PNKD: variants seen among roughly 807,000 people sequenced by gnomAD.
PNKD encodes probable thioesterase PNKD.
Under a neutral mutation model 45.3 loss-of-function variants are expected in PNKD, and 36 were observed. The ratio of observed to expected loss-of-function variants is 0.80; its 90% CI spans 0.61 to 1.05. The LOEUF (loss-of-function observed/expected upper bound fraction) is 1.05, where lower values mean the gene tolerates loss of function less well. Among genes scored for constraint, PNKD ranks in the 50% least tolerant of loss-of-function variants. The pLI is 0.00. For missense variants in PNKD, 511 were observed against 506.6 expected, an observed-to-expected ratio of 1.01 and a Z score of -0.08; for synonymous variants, 197 against 210.1, an observed-to-expected ratio of 0.94 and a Z score of 0.54.
chr2:218,272,487 A>G (rs549620803), intron 2 of PNKD: 108 of 1,267,052 alleles, frequency 8.5e-5, no homozygotes, highest in Middle Eastern at 5.3e-4. Context: ...CATGCAACTG[A>G]TGAAGCTAGA....
rs1167758595 is a variant in PNKD, at chr2:218,324,997, C to CTTTT, written c.237-14761_237-14758dup. Among the ~76,000 whole-genome samples the CTTTT allele has an allele frequency of 9.4e-3, 592 of 62,678 alleles. 177 individuals are homozygous for CTTTT. Among genetic ancestry groups the CTTTT allele is most frequent in the African/African-American group, 0.038 (573 of 14,886 alleles). 41.1% of individuals were successfully genotyped at this position (62,678 alleles called of 152,430 possible). On this transcript the variant is annotated intron_variant, in intron 2 of 9. Coordinates refer to ENST00000273077, the MANE Select transcript of PNKD (RefSeq NM_015488.5). ...AACATGAAGGTATCTAAATAATTTT[C>CTTTT]TTTTTTTTTTTTTTTTTTTTTTTTT...
At chr2:218,308,111 TA>T (rs1219857091) in intron 2 of PNKD, among the ~76,000 whole-genome samples, 1 of 115,502 alleles carries the variant, frequency 8.7e-6, no homozygotes, top group Non-Finnish European at 2.1e-5. Context: ...GAAAATATTT[TA>T]AAAGCACAAA....
intron 2 of PNKD, among the ~76,000 whole-genome samples, chr2:218,288,784 G>A (rs1049077134): frequency 6.6e-6 from 1 of 152,128 alleles, no homozygotes; most frequent in Non-Finnish European, 1.5e-5. Context: ...TGTTTTCTTG[G>A]GGGTGGAAGG....
At chr2:218,270,712 C>A (rs1435453870) in intron 1 of PNKD, 110 bp downstream of exon 1, 2 of 426,352 alleles carry the variant, frequency 4.7e-6, no homozygotes, top group Admixed American at 4.3e-5. Context: ...CCACACTTTT[C>A]TGCAAGATCT....
intron 2 of PNKD, among the ~76,000 whole-genome samples, chr2:218,294,870 T>C (rs908259493): frequency 6.6e-6 from 1 of 152,194 alleles, no homozygotes; most frequent in South Asian, 2.1e-4. Context: ...TTTAATACTA[T>C]AACATTGAGG....
intron 2 of PNKD, chr2:218,334,644 G>C: frequency 1.4e-6 from 1 of 700,286 alleles, no homozygotes; most frequent in Non-Finnish European, 2.6e-6. Flanking sequence ...GACAGAGCAA[G>C]ACCCAAAAAA....
chr2:218,323,510 G>A, intron 2 of PNKD: 1 of 1,308,244 alleles, frequency 7.6e-7, no homozygotes, highest in Non-Finnish European at 1.0e-6. Context: ...GGGGGCTGGA[G>A]CTGGGGGTGG....
Position 218,340,860 on chromosome 2 carries a change from G to C in PNKD, c.524+74G>C. ...GCCAGGACTGGGCCCATTGAGGACG[G>C]CCGGGGCCAGAGATCAAGAAGTCAG... On this transcript the variant is annotated intron_variant, in intron 5 of 9. Transcript: ENST00000273077. This position sits in a 1 kb window ranked among gnomAD's most constrained non-coding sequence, Gnocchi z 4.2. 1 of 1,260,328 alleles carries C rather than the reference G, an allele frequency of 7.9e-7. No homozygotes were observed. The highest frequency in any genetic ancestry group is 1.2e-5 in the South Asian group (1 of 84,154). 78.1% of individuals were successfully genotyped at this position (1,260,328 alleles called of 1,614,324 possible).
chr2:218,293,779 G>GTTT (rs1559513381), intron 2 of PNKD, among the ~76,000 whole-genome samples: 1 of 148,960 alleles, frequency 6.7e-6, no homozygotes, highest in Non-Finnish European at 1.5e-5. Flanking sequence ...TGTTTTGTTT[G>GTTT]GTTTGTTTGT....
intron 2 of PNKD, among the ~76,000 whole-genome samples, chr2:218,335,337 C>T (rs28705970): frequency 7.9e-5 from 12 of 151,888 alleles, no homozygotes; most frequent in Admixed American, 2.6e-4. Context: ...CAAAATTAGA[C>T]GGGCGTGGTG....
chr2:218,310,625 C>G (rs371311019), intron 2 of PNKD, among the ~76,000 whole-genome samples: 34 of 141,950 alleles, frequency 2.4e-4, no homozygotes, highest in African/African-American at 9.0e-4. Flanking sequence ...GGAGTCTCCC[C>G]CTGTCACCCG....
At chr2:218,290,755 A>C (rs1054609669) in intron 2 of PNKD, among the ~76,000 whole-genome samples, 29 of 152,148 alleles carry the variant, frequency 1.9e-4, no homozygotes, top group African/African-American at 7.0e-4. Flanking sequence ...CGACTTCTGG[A>C]TATCATTTCT....
intron 2 of PNKD, among the ~76,000 whole-genome samples, chr2:218,337,030 C>A (rs1247489720): frequency 6.6e-6 from 1 of 151,804 alleles, no homozygotes; most frequent in Non-Finnish European, 1.5e-5. Flanking sequence ...CAATTCCTGA[C>A]CTCAAGTGAT....
rs991796543 is a variant in PNKD, at chr2:218,346,375, A to T, written c.*1394A>T. ...CTTCTCTAGCCACAGCCTCTAGTAC[A>T]CTTTAGCAATACCACCAGACTAGTT... is the stretch of plus-strand genomic sequence containing the variant. On this transcript the variant is annotated 3_prime_UTR_variant, in exon 10 of 10. Coordinates refer to ENST00000273077, the MANE Select transcript of PNKD (RefSeq NM_015488.5). 6.5e-6 allele frequency: 1 copy of T among 152,858 alleles called. No homozygotes were observed. Among genetic ancestry groups the T allele is most frequent in the Non-Finnish European group, 1.5e-5 (1 of 68,084 alleles). 9.5% of individuals were successfully genotyped at this position (152,858 alleles called of 1,614,324 possible).
At chr2:218,272,702 G>A (rs1199243145) in intron 2 of PNKD, 1 of 1,614,128 alleles carries the variant, frequency 6.2e-7, no homozygotes, top group Non-Finnish European at 8.5e-7. Context: ...AGAGCCAGAG[G>A]TTCAGGGCTT....
intron 2 of PNKD, chr2:218,277,581 C>A: frequency 6.2e-7 from 1 of 1,613,204 alleles, no homozygotes; most frequent in Non-Finnish European, 8.5e-7. Flanking sequence ...AGGAACACCC[C>A]ACTCCCCACA....
At position 218,340,429 on chromosome 2, in the gene PNKD, C is replaced by T. The variant is rs1375901304; in HGVS notation, c.465+288C>T. 6.6e-6 allele frequency among the ~76,000 whole-genome samples: 1 copy of T among 151,978 alleles called. No individual in the cohort carries two copies. Among genetic ancestry groups the T allele is most frequent in the Non-Finnish European group, 1.5e-5 (1 of 67,972 alleles). On this transcript the variant is annotated intron_variant, in intron 4 of 9. Coordinates refer to ENST00000273077, the MANE Select transcript of PNKD (RefSeq NM_015488.5). This position sits in a 1 kb window ranked among gnomAD's most constrained non-coding sequence, Gnocchi z 4.2. ...AGGCTGGCTTTCACTCCCATTGGCCCCCTTCAGACCCCCTTTCTTTCTGTC... is the reference window on the plus strand; with the variant it reads ...AGGCTGGCTTTCACTCCCATTGGCCTCCTTCAGACCCCCTTTCTTTCTGTC...
intron 2 of PNKD, chr2:218,281,792 G>C (rs548297264): frequency 2.7e-6 from 2 of 753,576 alleles, no homozygotes; most frequent in Non-Finnish European, 4.4e-6. Context: ...GGGTAACAAA[G>C]ACAGAAACAG....
At chr2:218,318,938 CTTTTTTTTTTTCT>C (rs1693894807) in intron 2 of PNKD, among the ~76,000 whole-genome samples, 2 of 109,546 alleles carry the variant, frequency 1.8e-5, no homozygotes. Flanking sequence ...CAAATCTTTT[CTTTTTTTTTTTCT>C]TTTTTTTTTT....
Sources: allele counts gnomAD v4.1 joint callset (sites outside exome capture counted in the v4.1 genomes callset), GRCh38; gene constraint gnomAD v4.1.1; non-coding constraint Gnocchi (gnomAD v3.1); transcripts MANE v1.5; gene names NCBI Gene and HGNC (gene_info 2026-07-23, HGNC 2026-07-21).